PTPRB: variants seen among roughly 807,000 people sequenced by gnomAD.
PTPRB encodes receptor-type tyrosine-protein phosphatase beta.
In PTPRB, 97 loss-of-function variants were observed where a neutral mutation model predicts 238.1. The ratio of observed to expected loss-of-function variants is 0.41; its 90% CI spans 0.35 to 0.48. PTPRB has a LOEUF of 0.48. PTPRB is among the 20% of genes least tolerant of loss of function. The probability of loss-of-function intolerance (pLI) is 0.30; values close to 1 mark genes in which losing one functional copy is unlikely to be tolerated. For missense variants in PTPRB, 2,292 were observed against 2,681.9 expected (o/e 0.85, Z 3.21); for synonymous variants, 970 against 995.4 (o/e 0.97, Z 0.48).
At position 70,622,774 on chromosome 12, in the gene PTPRB, G is replaced by GA. The variant is rs572116936; in HGVS notation, c.452-129dup. On this transcript the variant is annotated intron_variant, in intron 2 of 33. Coordinates refer to ENST00000334414, the MANE Select transcript of PTPRB (RefSeq NM_001109754.4). ...GCATGTGGATAAGCTTCAGTTATAT[G>GA]AAAAAGCAAATATACTTTGAGTGTG... 9.3e-4 allele frequency: 1,059 copies of GA among 1,135,870 alleles called. 16 individuals carry two copies. The South Asian group carries it at 0.016, about 17-fold the overall frequency. The allele number at this position is 1,135,870 out of a possible 1,614,324, so 70.4% of individuals were successfully genotyped here.
intron 32 of PTPRB, among the ~76,000 whole-genome samples, chr12:70,527,056 A>AGATAATTTTTTG (rs1302556654): frequency 6.6e-6 from 1 of 152,224 alleles, no homozygotes; most frequent in Non-Finnish European, 1.5e-5. Context: ...AGATCACAAA[A>AGATAATTTTTTG]GATAATTTTT....
At chr12:70,541,237 G>A in intron 22 of PTPRB, 2 of 257,638 alleles carry the variant, frequency 7.8e-6, no homozygotes, top group Non-Finnish European at 7.3e-6. Flanking sequence ...CTTTGCACTT[G>A]TATATAAAGC....
At chr12:70,601,436 C>A (rs1883480541) in intron 4 of PTPRB, among the ~76,000 whole-genome samples, 1 of 152,148 alleles carries the variant, frequency 6.6e-6, no homozygotes, top group South Asian at 2.1e-4. Context: ...GTCTAAGTTT[C>A]TTTCTAGGCA....
Position 70,599,073 on chromosome 12 carries a change from A to G in PTPRB, c.980-2746T>C, listed in dbSNP as rs537391467. On this transcript the variant is annotated intron_variant, in intron 4 of 33. Coordinates refer to ENST00000334414, the MANE Select transcript of PTPRB (RefSeq NM_001109754.4). ...TGGCAGTTGTCCACTATTGCTATGC[A>G]TGCTGCAGAAACTAAATAGTTTTCA... Among the ~76,000 whole-genome samples, 6 of 152,344 alleles carry G rather than the reference A, an allele frequency of 3.9e-5. No homozygotes were observed. The South Asian group carries it at 1.2e-3, about 32-fold the overall frequency.
rs1874968659 is a variant in PTPRB at position 70,540,863 on chromosome 12, T to C, written c.5589A>G (p.Lys1863=). 6.3e-7 allele frequency: 1 copy of C among 1,597,334 alleles called. No individual in the cohort carries two copies. The highest frequency in any genetic ancestry group is 8.5e-7 in the Non-Finnish European group (1 of 1,171,534). Residue 1863 remains lysine (K), a synonymous_variant, in exon 23 of 34, where the codon AAA becomes AAG. Coordinates refer to ENST00000334414, the MANE Select transcript of PTPRB (RefSeq NM_001109754.4). ...AVVALLICRQ[K]VSHGRERPSA... is the part of the protein sequence containing the mutation. ...AAAAGGATCTTTGTACTTACCTCAC[T>C]TTCTGTCTGCAGATCAATAAGGCAA... is the stretch of plus-strand genomic sequence containing the variant.
chr12:70,596,376 A>AG, intron 4 of PTPRB, 49 bp from the exon 5 acceptor site: 1 of 1,329,848 alleles, frequency 7.5e-7, no homozygotes, highest in Admixed American at 3.6e-5. Context: ...AGAAAGAAAA[A>AG]GAAAAAAAAA....
rs1468288065 is a variant in PTPRB, at chr12:70,555,322, G to T, written c.4994-13C>A. On this transcript the variant is annotated splice_polypyrimidine_tract_variant and intron_variant, in intron 19 of 33. Coordinates refer to ENST00000334414, the MANE Select transcript of PTPRB (RefSeq NM_001109754.4). ...GGAGGAGGGGGGCCTGGAAAAAGAG[G>T]TGGGGAAGGAACCAAGAGGGGTCAC... is the stretch of plus-strand genomic sequence containing the variant. 2.5e-6 allele frequency: 4 copies of T among 1,606,798 alleles called. No individual in the cohort carries two copies. The highest frequency in any genetic ancestry group is 2.2e-5 in the East Asian group (1 of 44,728).
intron 3 of PTPRB, among the ~76,000 whole-genome samples, chr12:70,618,136 G>A (rs190780899): frequency 6.6e-4 from 101 of 152,294 alleles, no homozygotes; most frequent in African/African-American, 2.0e-3. Flanking sequence ...GTCTCATTCT[G>A]TCATCCAGGC....
At chr12:70,626,630 TA>T in intron 2 of PTPRB, among the ~76,000 whole-genome samples, 1 of 152,106 alleles carries the variant, frequency 6.6e-6, no homozygotes, top group East Asian at 1.9e-4. Context: ...AGAGATAATT[TA>T]AAGTATATAG....
At chr12:70,625,435 C>A (rs1160668572) in intron 2 of PTPRB, among the ~76,000 whole-genome samples, 1 of 151,894 alleles carries the variant, frequency 6.6e-6, no homozygotes, top group African/African-American at 2.4e-5. Context: ...TGGTTTTAGT[C>A]ATATACATAA....
At chr12:70,536,238 A>ATGAT in intron 28 of PTPRB, 79 bp from the exon 29 acceptor site, 1 of 1,478,334 alleles carries the variant, frequency 6.8e-7, no homozygotes, top group Non-Finnish European at 9.2e-7. Context: ...TTCAGATTAG[A>ATGAT]TGATAGGGAG....
At chr12:70,544,972 TAAATC>T (rs1159261418) in intron 21 of PTPRB, among the ~76,000 whole-genome samples, 1 of 152,054 alleles carries the variant, frequency 6.6e-6, no homozygotes, top group African/African-American at 2.4e-5. Flanking sequence ...ACAAATATAA[TAAATC>T]AGATGAGATG....
At chr12:70,540,664 A>T in intron 23 of PTPRB, 194 bp downstream of exon 23, 1 of 565,350 alleles carries the variant, frequency 1.8e-6, no homozygotes, top group Non-Finnish European at 3.1e-6. Flanking sequence ...GGCTGAATTC[A>T]TCAATGGGAT....
intron 32 of PTPRB, chr12:70,525,291 T>G (rs1356731488): frequency 6.6e-6 from 1 of 152,194 alleles, no homozygotes; most frequent in African/African-American, 2.4e-5. Context: ...TGAATCCCAA[T>G]TTCATTGCAT....
intron 4 of PTPRB, among the ~76,000 whole-genome samples, chr12:70,607,514 C>T (rs982671138): frequency 6.6e-6 from 1 of 151,544 alleles, no homozygotes; most frequent in Non-Finnish European, 1.5e-5. Flanking sequence ...CTCTCTGATT[C>T]CATATTAGAA....
At chr12:70,590,296 C>A in intron 7 of PTPRB, 63 bp from the exon 8 acceptor site, 3 of 1,462,780 alleles carry the variant, frequency 2.1e-6, no homozygotes, top group Non-Finnish European at 2.7e-6. Flanking sequence ...TACTCATTTA[C>A]TTTTCTTGGG....
chr12:70,609,368 AGTCCACAGTCTGGACT>A (rs769021506), intron 3 of PTPRB, 29 bp from the exon 4 acceptor site: 173 of 1,606,784 alleles, frequency 1.1e-4, no homozygotes, highest in Non-Finnish European at 5.1e-5. Flanking sequence ...CAACAGTTTA[AGTCCACAGTCTGGACT>A]GCTCAGGGAC....
chr12:70,547,081 T>C (rs1876093157), intron 21 of PTPRB, among the ~76,000 whole-genome samples: 1 of 152,162 alleles, frequency 6.6e-6, no homozygotes, highest in African/African-American at 2.4e-5. Flanking sequence ...TGTCCTGTGA[T>C]AATGCTGAAG....
intron 3 of PTPRB, among the ~76,000 whole-genome samples, chr12:70,617,802 G>A (rs1254038373): frequency 6.6e-6 from 1 of 151,730 alleles, no homozygotes; most frequent in East Asian, 1.9e-4. Flanking sequence ...GTACCACAAT[G>A]GCTATTCATG....
Sources: allele counts gnomAD v4.1 joint callset (sites outside exome capture counted in the v4.1 genomes callset), GRCh38; gene constraint gnomAD v4.1.1; transcripts MANE v1.5; gene names NCBI Gene and HGNC (gene_info 2026-07-23, HGNC 2026-07-21).